ACOT1: variants seen among roughly 807,000 people sequenced by gnomAD.
ACOT1 encodes the protein acyl-coenzyme A thioesterase 1.
Under a neutral mutation model 15.7 loss-of-function variants are expected in ACOT1, and 8 were observed. The observed-to-expected ratio is 0.51, with a 90% CI of 0.30 to 0.92. ACOT1 has a LOEUF of 0.92. Among genes scored for constraint, ACOT1 ranks in the 40% least tolerant of loss-of-function variants. The pLI, the probability that ACOT1 is intolerant of heterozygous loss-of-function variation, is 0.06. For synonymous variants in ACOT1, 67 were observed against 241.2 expected, an observed-to-expected ratio of 0.28 and a Z score of 6.69; for missense variants, 151 against 539.4, an observed-to-expected ratio of 0.28 and a Z score of 7.13.
chr14:73,514,212 G>T, the ACOT1 span: 1 of 1,614,138 alleles, frequency 6.2e-7, no homozygotes, highest in Non-Finnish European at 8.5e-7. Context: ...TCCAGCGCAG[G>T]GCTCCTTGCA....
At chr14:73,500,624 A>G in the ACOT1 span, 1 of 1,614,192 alleles carries the variant, frequency 6.2e-7, no homozygotes, top group Non-Finnish European at 8.5e-7. Flanking sequence ...TCATCAGAGA[A>G]GCAGTGCAGG....
At chr14:73,513,888 G>T in the ACOT1 span, 2 of 743,230 alleles carry the variant, frequency 2.7e-6, no homozygotes, top group Non-Finnish European at 2.3e-6. Flanking sequence ...TGTGTGAAAG[G>T]CTCTTGTCTA....
the ACOT1 span, chr14:73,498,272 G>T: frequency 6.2e-7 from 1 of 1,614,116 alleles, no homozygotes; most frequent in Non-Finnish European, 8.5e-7. Flanking sequence ...TACACCTGGT[G>T]ACTCTTCATA....
chr14:73,532,720 C>A (rs1375315139), upstream of ACOT1, among the ~76,000 whole-genome samples: 1 of 114,646 alleles, frequency 8.7e-6, no homozygotes, highest in African/African-American at 2.8e-5. Flanking sequence ...TTTGGGAGGC[C>A]AAGGTGGGCA....
chr14:73,527,340 G>A, the ACOT1 span: 3 of 151,926 alleles, frequency 2.0e-5, no homozygotes, highest in Non-Finnish European at 2.9e-5. Flanking sequence ...AGGAGTGACA[G>A]AGATATGTGA....
At chr14:73,513,728 CAAAA>C in the ACOT1 span, among the ~76,000 whole-genome samples, 86 of 46,758 alleles carry the variant, frequency 1.8e-3, no homozygotes, top group African/African-American at 4.0e-3. Context: ...ACTACGTCTC[CAAAA>C]AAAAAAAAAA....
At chr14:73,509,429 C>G in the ACOT1 span, 1 of 1,613,952 alleles carries the variant, frequency 6.2e-7, no homozygotes, top group Admixed American at 1.7e-5. Context: ...AGAGCAGCCT[C>G]TAGGGCAGGC....
intron 1 of ACOT1, among the ~76,000 whole-genome samples, chr14:73,540,195 C>T (rs569574189): frequency 0.097 from 13,341 of 137,970 alleles, 20 homozygotes; most frequent in African/African-American, 0.29. Flanking sequence ...TCTTAACTTA[C>T]AAAGTTAAAT....
the ACOT1 span, among the ~76,000 whole-genome samples, chr14:73,512,690 GTTCT>G: frequency 6.6e-6 from 1 of 152,152 alleles, no homozygotes; most frequent in Admixed American, 6.5e-5. Flanking sequence ...TTTTCATTAG[GTTCT>G]TTGTCTTTGA....
chr14:73,531,628 C>T, the ACOT1 span, among the ~76,000 whole-genome samples: 4 of 108,984 alleles, frequency 3.7e-5, 1 homozygote, highest in African/African-American at 1.2e-4. Flanking sequence ...AGGCTGTTCT[C>T]GAACTCCTGA....
the ACOT1 span, among the ~76,000 whole-genome samples, chr14:73,505,527 G>C: frequency 2.0e-5 from 3 of 151,974 alleles, no homozygotes; most frequent in Non-Finnish European, 4.4e-5. Context: ...CTTCCAAGTA[G>C]CTAGGATTAC....
At chr14:73,519,122 G>C in the ACOT1 span, 1 of 1,613,856 alleles carries the variant, frequency 6.2e-7, no homozygotes, top group East Asian at 2.2e-5. Context: ...AGGACAATCT[G>C]GTCTCTCTTT....
the ACOT1 span, among the ~76,000 whole-genome samples, chr14:73,493,710 T>G: frequency 1.3e-5 from 2 of 152,134 alleles, no homozygotes; most frequent in African/African-American, 4.8e-5. Flanking sequence ...TAGTGGTGCG[T>G]GCCTGTAATC....
chr14:73,495,312 C>T, the ACOT1 span: 2 of 1,613,906 alleles, frequency 1.2e-6, no homozygotes, highest in Admixed American at 1.7e-5. Flanking sequence ...TTTGCTTCCT[C>T]CCTCACTTTT....
chr14:73,511,923 A>G, the ACOT1 span: 2 of 1,547,208 alleles, frequency 1.3e-6, no homozygotes, highest in Middle Eastern at 2.3e-4. Flanking sequence ...GATCTCAGAT[A>G]AGCCCTGGGT....
the ACOT1 span, among the ~76,000 whole-genome samples, chr14:73,501,372 G>A: frequency 1.3e-5 from 2 of 151,832 alleles, no homozygotes; most frequent in South Asian, 2.1e-4. Context: ...TGATCTGCCC[G>A]CCTCGGCCTC....
the ACOT1 span, among the ~76,000 whole-genome samples, chr14:73,510,531 G>A: frequency 3.3e-5 from 5 of 152,068 alleles, no homozygotes; most frequent in Admixed American, 1.3e-4. Flanking sequence ...TGCTTCCTGG[G>A]TTCAGGCGAT....
the ACOT1 span, among the ~76,000 whole-genome samples, chr14:73,521,652 A>G: frequency 1.3e-5 from 2 of 152,210 alleles, no homozygotes; most frequent in African/African-American, 4.8e-5. Context: ...CTAGCTATAA[A>G]TGAGATAGAA....
the ACOT1 span, among the ~76,000 whole-genome samples, chr14:73,528,514 A>T: frequency 6.6e-6 from 1 of 152,002 alleles, no homozygotes; most frequent in Non-Finnish European, 1.5e-5. Context: ...ACAAAATATT[A>T]CTAGGTCTGA....
Sources: gnomAD v4.1 joint callset for allele counts (sites outside exome capture counted in the v4.1 genomes callset) on GRCh38, gnomAD v4.1.1 for gene constraint, MANE v1.5 for transcripts, NCBI Gene and HGNC (gene_info 2026-07-23, HGNC 2026-07-21) for gene names.